RGS10: variants seen among roughly 807,000 people sequenced by gnomAD.
RGS10 encodes regulator of G protein signaling 10.
RGS10 carries 11 observed loss-of-function variants against 23.5 expected under a neutral mutation model. That is an observed-to-expected ratio of 0.47 (90% confidence interval 0.29 to 0.77). The LOEUF is 0.77. RGS10 is among the 30% of genes least tolerant of loss of function. The pLI is 0.08. For missense variants in RGS10, 180 were observed against 226.3 expected (o/e 0.80, Z 1.31); for synonymous variants, 77 against 83.2 (o/e 0.92, Z 0.41).
intron 3 of RGS10, among the ~76,000 whole-genome samples, chr10:119,521,610 AAAGGAAGGAAGGAAAGAAAGGAAGGAAGG>A (rs1173046649): frequency 2.9e-5 from 3 of 102,122 alleles, no homozygotes; most frequent in Non-Finnish European, 6.5e-5. Context: ...GGAAAGAAAG[AAAGGAAGGAAGGAAAGAAAGGAAGGAAGG>A]AAGGAAGGAA....
At chr10:119,532,544 G>T (rs572222937) in intron 1 of RGS10, among the ~76,000 whole-genome samples, 1 of 152,020 alleles carries the variant, frequency 6.6e-6, no homozygotes, top group Admixed American at 6.6e-5. Context: ...GTGAAATCCC[G>T]TCTCCACAAA....
intron 3 of RGS10, among the ~76,000 whole-genome samples, chr10:119,520,403 C>G (rs1844198987): frequency 6.6e-6 from 1 of 152,040 alleles, no homozygotes; most frequent in Non-Finnish European, 1.5e-5. Context: ...GTAGCCCAGA[C>G]GGAATTGATG....
chr10:119,529,617 G>A (rs1381204427), intron 1 of RGS10, among the ~76,000 whole-genome samples: 3 of 152,108 alleles, frequency 2.0e-5, no homozygotes, highest in Non-Finnish European at 2.9e-5. Context: ...CAGCACACTT[G>A]GGACACAGTA....
intron 4 of RGS10, among the ~76,000 whole-genome samples, chr10:119,506,906 A>T (rs1322383946): frequency 6.6e-6 from 1 of 152,094 alleles, no homozygotes; most frequent in Non-Finnish European, 1.5e-5. Flanking sequence ...TCACCATGTT[A>T]GCCAGGCTGG....
chr10:119,504,727 T>C (rs1037746512), intron 4 of RGS10, among the ~76,000 whole-genome samples: 1 of 151,974 alleles, frequency 6.6e-6, no homozygotes, highest in African/African-American at 2.4e-5. Flanking sequence ...AGAAGGCGTG[T>C]GAAGGCAGAG....
chr10:119,534,773 C>T (rs1458016520), intron 1 of RGS10, among the ~76,000 whole-genome samples: 1 of 146,870 alleles, frequency 6.8e-6, no homozygotes, highest in Non-Finnish European at 1.5e-5. Flanking sequence ...GCCTGTAGTT[C>T]CAGCTACTCG....
intron 3 of RGS10, among the ~76,000 whole-genome samples, chr10:119,523,557 C>G (rs1223173042): frequency 2.0e-5 from 3 of 152,122 alleles, no homozygotes. Context: ...CCCAGCTACT[C>G]GGGAGGCTGA....
In RGS10 at chr10:119,542,577, C is replaced by G; in HGVS notation, c.49+13G>C. ...CCCCGACCCCGAGCCCGCGGGCCCC[C>G]GAAGCCGCTTACCTGACGGCGGCCG... On this transcript the variant is annotated intron_variant, in intron 1 of 4. Coordinates refer to ENST00000369103, the MANE Select transcript of RGS10 (RefSeq NM_001005339.2). 7.1e-7 allele frequency: 1 copy of G among 1,414,674 alleles called. No homozygotes were observed. The highest frequency in any genetic ancestry group is 9.2e-7 in the Non-Finnish European group (1 of 1,083,266). The allele number at this position is 1,414,674 out of a possible 1,614,324, so 87.6% of individuals were successfully genotyped here.
chr10:119,508,698 C>A (rs933802235), intron 4 of RGS10, among the ~76,000 whole-genome samples: 2 of 152,172 alleles, frequency 1.3e-5, no homozygotes, highest in African/African-American at 4.8e-5. Flanking sequence ...AGAGAAGGAG[C>A]GGCAGGACTG....
chr10:119,519,342 C>T (rs1411860527), intron 3 of RGS10, among the ~76,000 whole-genome samples: 1 of 123,882 alleles, frequency 8.1e-6, no homozygotes, highest in East Asian at 2.4e-4. Flanking sequence ...GTCCCCAGCT[C>T]CTGTCTCCCT....
At chr10:119,501,288 T>C (rs1843950344) in intron 4 of RGS10, among the ~76,000 whole-genome samples, 1 of 152,206 alleles carries the variant, frequency 6.6e-6, no homozygotes, top group African/African-American at 2.4e-5. Flanking sequence ...TTCACCCTGG[T>C]ACACGGAACA....
Position 119,517,094 on chromosome 10 carries a change from A to G in RGS10, c.256-1442T>C, listed in dbSNP as rs1844152805. ...GTGGGGCTTGGTTTGGGAAATCCCA[A>G]GCTCTGCAAACCTTCTGCCCTTAAG... On this transcript the variant is annotated intron_variant, in intron 3 of 4. Coordinates refer to ENST00000369103, the MANE Select transcript of RGS10 (RefSeq NM_001005339.2). This position sits in a 1 kb window ranked among gnomAD's most constrained non-coding sequence, Gnocchi z 5.0. Among the ~76,000 whole-genome samples, 1 of 152,212 alleles carries G rather than the reference A, an allele frequency of 6.6e-6. No individual in the cohort carries two copies. Among genetic ancestry groups the G allele is most frequent in the Admixed American group, 6.5e-5 (1 of 15,284 alleles).
At chr10:119,531,859 C>A (rs1384983445) in intron 1 of RGS10, among the ~76,000 whole-genome samples, 2 of 152,176 alleles carry the variant, frequency 1.3e-5, no homozygotes. Flanking sequence ...GGGCTAAGAT[C>A]TCCCTTATAT....
At chr10:119,518,811 T>G (rs1376599189) in intron 3 of RGS10, among the ~76,000 whole-genome samples, 1 of 151,490 alleles carries the variant, frequency 6.6e-6, no homozygotes, top group Non-Finnish European at 1.5e-5. Context: ...TTCAAGCAAT[T>G]CTCCTGCTTC....
chr10:119,518,495 G>C (rs1050844466), intron 3 of RGS10, among the ~76,000 whole-genome samples: 6 of 152,176 alleles, frequency 3.9e-5, no homozygotes, highest in Admixed American at 3.3e-4. Context: ...GCAGGTGCAC[G>C]ATCAGGAGAA....
At chr10:119,537,060 T>C (rs941948486) in intron 1 of RGS10, among the ~76,000 whole-genome samples, 1 of 152,082 alleles carries the variant, frequency 6.6e-6, no homozygotes, top group Non-Finnish European at 1.5e-5. Flanking sequence ...GGCACCAGGC[T>C]AAGGGTAGAG....
intron 4 of RGS10, among the ~76,000 whole-genome samples, chr10:119,501,277 G>C (rs1382830246): frequency 6.6e-6 from 1 of 152,040 alleles, no homozygotes; most frequent in African/African-American, 2.4e-5. Context: ...AATCCACATG[G>C]TTCACCCTGG....
intron 1 of RGS10, among the ~76,000 whole-genome samples, chr10:119,537,118 C>T (rs919117344): frequency 1.3e-5 from 2 of 152,118 alleles, no homozygotes; most frequent in South Asian, 2.1e-4. Context: ...TGAGGCCAGG[C>T]GTGGTGGCTC....
intron 4 of RGS10, among the ~76,000 whole-genome samples, chr10:119,505,137 A>C (rs1843995377): frequency 6.6e-6 from 1 of 152,036 alleles, no homozygotes; most frequent in African/African-American, 2.4e-5. Flanking sequence ...GGGCACCTGA[A>C]CAACACGGTC....
Sources: allele counts gnomAD v4.1 joint callset (sites outside exome capture counted in the v4.1 genomes callset), GRCh38; gene constraint gnomAD v4.1.1; non-coding constraint Gnocchi (gnomAD v3.1); transcripts MANE v1.5; gene names NCBI Gene and HGNC (gene_info 2026-07-23, HGNC 2026-07-21).